The following NFIA variants were observed in gnomAD, a reference collection of about 807,000 sequenced individuals.
NFIA encodes nuclear factor I A, also known as nuclear factor 1 A-type.
Under a neutral mutation model 62.8 loss-of-function variants are expected in NFIA, and 8 were observed. That is an observed-to-expected ratio of 0.13 (90% CI 0.07 to 0.23). The LOEUF (loss-of-function observed/expected upper bound fraction) is 0.23. Ranked by LOEUF, NFIA falls within the 10% of genes least tolerant of loss-of-function variation. The pLI is 1.00. For synonymous variants in NFIA, 235 were observed against 238.1 expected (o/e 0.99, Z 0.12); for missense variants, 410 against 642.1 (o/e 0.64, Z 3.91).
chr1:61,452,842 A>T (rs1406861209), intron 10 of NFIA, among the ~76,000 whole-genome samples: 2 of 152,178 alleles, frequency 1.3e-5, no homozygotes, highest in Admixed American at 1.3e-4. Flanking sequence ...GTGTTACTGA[A>T]TACCAACTCA....
intron 2 of NFIA, among the ~76,000 whole-genome samples, chr1:61,198,596 C>T (rs750971512): frequency 3.3e-5 from 5 of 152,294 alleles, no homozygotes; most frequent in East Asian, 1.9e-4. Context: ...CCTTTTCATT[C>T]GTTCTTCACT....
At chr1:61,141,257 A>G (rs1647507480) in intron 2 of NFIA, among the ~76,000 whole-genome samples, 1 of 152,054 alleles carries the variant, frequency 6.6e-6, no homozygotes, top group Non-Finnish European at 1.5e-5. Flanking sequence ...CAGCATGAAA[A>G]AAACAACAGA....
At chr1:61,255,859 A>G (rs891978805) in intron 2 of NFIA, among the ~76,000 whole-genome samples, 2 of 152,190 alleles carry the variant, frequency 1.3e-5, no homozygotes, top group African/African-American at 2.4e-5. Context: ...GTTGTATAAT[A>G]CAGATCTTGT....
upstream of NFIA, chr1:61,082,528 G>C: frequency 1.5e-6 from 2 of 1,374,814 alleles, no homozygotes; most frequent in South Asian, 3.2e-5. Context: ...CGTACAGTAG[G>C]CATGTATAGT....
chr1:61,413,966 ATTGTTTTT>A (rs66832211), intron 9 of NFIA, among the ~76,000 whole-genome samples: 67,475 of 149,870 alleles, frequency 0.45, 15,764 homozygotes, highest in South Asian at 0.61. Flanking sequence ...CACTTCACAA[ATTGTTTTT>A]TTGTTTTTTT....
upstream of NFIA, chr1:61,081,780 G>A: frequency 4.7e-6 from 6 of 1,267,874 alleles, no homozygotes; most frequent in Admixed American, 2.3e-5. Flanking sequence ...CAGGACCGAA[G>A]CTGCACAAAG....
chr1:61,333,593 C>T (rs1661424499), intron 4 of NFIA, among the ~76,000 whole-genome samples: 1 of 152,168 alleles, frequency 6.6e-6, no homozygotes, highest in African/African-American at 2.4e-5. Context: ...CTGTCGTAGG[C>T]CTTAGTGTAA....
chr1:61,216,731 G>A (rs1248794575), intron 2 of NFIA, among the ~76,000 whole-genome samples: 1 of 152,144 alleles, frequency 6.6e-6, no homozygotes, highest in Non-Finnish European at 1.5e-5. Context: ...TGGAAGCAGT[G>A]GCTTACGCCT....
In NFIA at chr1:61,456,433, A is replaced by G. The variant is rs558181452; in HGVS notation, c.*1113A>G. ...GCTTTTACCACAATATGTTAACTAC[A>G]TTAAATGCTAATTAATTATTTTCTG... On this transcript the variant is annotated 3_prime_UTR_variant, in exon 11 of 11. Transcript: ENST00000403491. The G allele has an allele frequency of 6.6e-6, 1 of 152,344 alleles. No homozygotes were observed. Among genetic ancestry groups the G allele is most frequent in the East Asian group, 1.9e-4 (1 of 5,186 alleles). The allele number at this position is 152,344 out of a possible 1,614,324, so 9.4% of individuals were successfully genotyped here. A position where few individuals can be genotyped will look rare whatever the true frequency, so the allele number is the denominator to read the frequency against.
intron 2 of NFIA, among the ~76,000 whole-genome samples, chr1:61,125,558 T>C (rs891749963): frequency 3.3e-5 from 5 of 152,168 alleles, no homozygotes; most frequent in Admixed American, 6.5e-5. Context: ...GAACGTTTTA[T>C]AGGGACTCGT....
rs148758407 is a variant in NFIA at position 61,164,609 on chromosome 1, G to A, written c.559+75929G>A. Among the ~76,000 whole-genome samples, 240 of 152,056 alleles carry A rather than the reference G, an allele frequency of 1.6e-3. 1 individual carries two copies. Among genetic ancestry groups the A allele is most frequent in the African/African-American group, 5.5e-3 (227 of 41,474 alleles). ...CGAGTAGCTGGGACTACAGCCGCCC[G>A]CCGCCACGCCCGGCTAATTTTTTTG... On this transcript the variant is annotated intron_variant, in intron 2 of 10. Transcript: ENST00000403491.
intron 2 of NFIA, among the ~76,000 whole-genome samples, chr1:61,160,489 G>A (rs879255855): frequency 1.3e-5 from 2 of 152,212 alleles, no homozygotes; most frequent in Non-Finnish European, 2.9e-5. Context: ...CCAACAGAGA[G>A]CCTATCTGTG....
chr1:61,257,638 C>T (rs1656494683), intron 2 of NFIA, among the ~76,000 whole-genome samples: 1 of 151,750 alleles, frequency 6.6e-6, no homozygotes, highest in Non-Finnish European at 1.5e-5. Context: ...ACACCCAGCT[C>T]TACTGAGTTC....
chr1:61,383,803 T>A (rs1664549099), intron 7 of NFIA, among the ~76,000 whole-genome samples: 1 of 152,246 alleles, frequency 6.6e-6, no homozygotes, highest in South Asian at 2.1e-4. Flanking sequence ...TCATCCCTGC[T>A]GACTCTCTTT....
rs533690254 is a variant in NFIA, at chr1:61,435,941, T to G, written c.1512+9385T>G. ...ATTATTCTGCCTTTCCTCCACACACTCCCTATGTGTTTAGGAGATGTAGAT... is the reference window on the plus strand; with the variant it reads ...ATTATTCTGCCTTTCCTCCACACACGCCCTATGTGTTTAGGAGATGTAGAT... On this transcript the variant is annotated intron_variant, in intron 10 of 10. Transcript: ENST00000403491. Among the ~76,000 whole-genome samples the G allele has an allele frequency of 4.6e-5, 7 of 152,196 alleles. No homozygotes were observed. In the South Asian group the frequency reaches 1.5e-3, roughly 32 times the overall value.
intron 2 of NFIA, among the ~76,000 whole-genome samples, chr1:61,232,857 A>C (rs1654762891): frequency 6.6e-6 from 1 of 151,930 alleles, no homozygotes; most frequent in Non-Finnish European, 1.5e-5. Flanking sequence ...TACTTACGTC[A>C]CCCCAAGTTT....
chr1:61,108,696 C>T (rs1405135265), intron 2 of NFIA, among the ~76,000 whole-genome samples: 1 of 151,374 alleles, frequency 6.6e-6, no homozygotes, highest in Non-Finnish European at 1.5e-5. Context: ...AGAGTTAATG[C>T]CTTAATATTT....
chr1:61,294,917 A>G (rs936353997), intron 3 of NFIA, among the ~76,000 whole-genome samples: 1 of 152,190 alleles, frequency 6.6e-6, no homozygotes, highest in African/African-American at 2.4e-5. Flanking sequence ...CTCGATATTC[A>G]GTACTTAAGT....
rs1196490330 is a variant in NFIA, at chr1:61,407,019, C to T, written c.1420+292C>T. 2.0e-5 allele frequency among the ~76,000 whole-genome samples: 3 copies of T among 152,184 alleles called. No homozygotes were observed. In the East Asian group the frequency reaches 5.8e-4, roughly 29 times the overall value. ...TATATTATTTGAGGGATTTCAAATG[C>T]TATTCCCATCATCAAGCAGCAGCTA... On this transcript the variant is annotated intron_variant, in intron 9 of 10. Transcript: ENST00000403491.
Sources: gnomAD v4.1 joint callset for allele counts (sites outside exome capture counted in the v4.1 genomes callset) on GRCh38, gnomAD v4.1.1 for gene constraint, MANE v1.5 for transcripts, NCBI Gene and HGNC (gene_info 2026-07-23, HGNC 2026-07-21) for gene names.